Variants in BMP7 observed in about 807,000 individuals in gnomAD.
The protein encoded by BMP7 is osteogenic protein 1.
Under a neutral mutation model 41.2 loss-of-function variants are expected in BMP7, and 12 were observed. The observed-to-expected ratio is 0.29, with a 90% CI of 0.19 to 0.47. The LOEUF is 0.47. BMP7 is among the 20% of genes least tolerant of loss of function. The probability of loss-of-function intolerance (pLI) is 0.99; values close to 1 mark genes in which losing one functional copy is unlikely to be tolerated. For synonymous variants in BMP7, 248 were observed against 250.0 expected (o/e 0.99, Z 0.07); for missense variants, 467 against 606.0 (o/e 0.77, Z 2.41).
rs897298987 is a variant in BMP7 at position 57,266,230 on chromosome 20, G to A, written c.-108C>T. 1.3e-5 allele frequency: 15 copies of A among 1,159,428 alleles called. No homozygotes were observed. The highest frequency in any genetic ancestry group is 2.3e-5 in the South Asian group (1 of 43,068). 71.8% of individuals were successfully genotyped at this position (1,159,428 alleles called of 1,614,324 possible). A position where few individuals can be genotyped will look rare whatever the true frequency, so the allele number is the denominator to read the frequency against. On this transcript the variant is annotated 5_prime_UTR_variant, in exon 1 of 7. Transcript: ENST00000395863. Reference sequence around the variant, plus strand: ...CGCCGCTCGGTCACTTGCTGCAGACGGGCCCCGCTGCGCCCGCGCCAGACA... The same window carrying A: ...CGCCGCTCGGTCACTTGCTGCAGACAGGCCCCGCTGCGCCCGCGCCAGACA...
chr20:57,250,745 G>A (rs559363512), intron 1 of BMP7, among the ~76,000 whole-genome samples: 39 of 152,112 alleles, frequency 2.6e-4, no homozygotes, highest in Non-Finnish European at 4.6e-4. Flanking sequence ...GGTTGCCTGT[G>A]CCCCCAGCCG....
intron 4 of BMP7, among the ~76,000 whole-genome samples, chr20:57,183,226 C>T (rs1348805643): frequency 1.3e-5 from 2 of 149,322 alleles, no homozygotes; most frequent in Non-Finnish European, 3.0e-5. Context: ...CAGAGTGAGA[C>T]TTCATCTCAA....
chr20:57,206,700 C>G (rs1177059517), intron 2 of BMP7, among the ~76,000 whole-genome samples: 1 of 152,202 alleles, frequency 6.6e-6, no homozygotes, highest in East Asian at 1.9e-4. Context: ...ATGCCATCTT[C>G]TTCAATGATT....
At chr20:57,184,021 C>A (rs1984153276) in intron 3 of BMP7, 102 bp from the exon 4 acceptor site, 2 of 1,277,256 alleles carry the variant, frequency 1.6e-6, no homozygotes, top group Non-Finnish European at 2.2e-6. Flanking sequence ...TTCATGAACT[C>A]CTTATTCCTC....
intron 2 of BMP7, 145 bp from the exon 3 acceptor site, chr20:57,202,768 A>C: frequency 9.9e-7 from 1 of 1,011,106 alleles, no homozygotes; most frequent in Non-Finnish European, 1.4e-6. Context: ...TCAGACCAAG[A>C]TCCAGGCACA....
At chr20:57,247,794 G>A (rs767059608) in intron 1 of BMP7, among the ~76,000 whole-genome samples, 11 of 152,088 alleles carry the variant, frequency 7.2e-5, no homozygotes, top group African/African-American at 1.2e-4. Context: ...AACAGGAGCC[G>A]CCTGTCCCAC....
In BMP7 at chr20:57,171,218, G is replaced by T; in HGVS notation, c.1147-110C>A. 1 of 1,482,696 alleles carries T rather than the reference G, an allele frequency of 6.7e-7. No homozygotes were observed. Among genetic ancestry groups the T allele is most frequent in the Non-Finnish European group, 9.3e-7 (1 of 1,074,866 alleles). The allele number at this position is 1,482,696 out of a possible 1,614,324, so 91.8% of individuals were successfully genotyped here. A position where few individuals can be genotyped will look rare whatever the true frequency, so the allele number is the denominator to read the frequency against. On this transcript the variant is annotated intron_variant, in intron 6 of 6. Coordinates refer to ENST00000395863, the MANE Select transcript of BMP7 (RefSeq NM_001719.3). The surrounding 1 kb of genome is among the most constrained non-coding windows in gnomAD (Gnocchi z 4.5). ...TGTCTGGGCATAATGAATGACTGCA[G>T]GTGACACTCCCCAAGCCAAGCACTC...
chr20:57,225,997 GC>G (rs2066004568), intron 2 of BMP7: 2 of 468,144 alleles, frequency 4.3e-6, no homozygotes, highest in Non-Finnish European at 8.9e-6. Flanking sequence ...CAGCCCAGAA[GC>G]CCCCAGGAGC....
intron 1 of BMP7, among the ~76,000 whole-genome samples, chr20:57,247,327 G>A (rs996677189): frequency 6.6e-5 from 10 of 152,218 alleles, no homozygotes; most frequent in African/African-American, 2.4e-4. Flanking sequence ...TTGTCTGCAT[G>A]TTGACTTAAT....
intron 2 of BMP7, among the ~76,000 whole-genome samples, chr20:57,226,954 G>C (rs888984639): frequency 6.6e-6 from 1 of 151,084 alleles, no homozygotes; most frequent in Non-Finnish European, 1.5e-5. Flanking sequence ...AGCCTCCCAA[G>C]TAGCTGGGAT....
In BMP7 at chr20:57,266,006, C is replaced by T. The variant is rs897430051; in HGVS notation, c.117G>A (p.Ser39=). The stretch of plus-strand genomic sequence containing the variant: ...TGCGGAGGCGCCGGTGGATGAAGCT[C>T]GAGTGCACCTCGTTGTCCAGGCTGA... ...ADFSLDNEVH[S]SFIHRRLRSQ... is the part of the protein sequence containing the mutation. The change falls in exon 1 of 7, where the codon TCG becomes TCA. Residue 39 remains serine (S), a synonymous_variant. Transcript: ENST00000395863. 3 of 1,549,456 alleles carry T rather than the reference C, an allele frequency of 1.9e-6. No homozygotes were observed. The highest frequency in any genetic ancestry group is 1.7e-6 in the Non-Finnish European group (2 of 1,146,962).
In BMP7 at chr20:57,174,993, C is replaced by T. The variant is rs200825690; in HGVS notation, c.973G>A (p.Asp325Asn). The T allele has an allele frequency of 4.5e-5, 72 of 1,611,424 alleles. No homozygotes were observed. The highest frequency in any genetic ancestry group is 5.7e-5 in the Non-Finnish European group (67 of 1,179,886). Residue 325 changes from aspartate to asparagine, a missense_variant, in exon 5 of 7, where the codon GAC becomes AAC. Asp to Asn is a conservative substitution (Grantham distance 23). This residue lies in a region of BMP7 where 407 missense variants were observed against 485.9 expected (regional missense o/e 0.84). Transcript: ENST00000395863. The surrounding 1 kb of genome is among the most constrained non-coding windows in gnomAD (Gnocchi z 4.3). ...TGCTTCTTACAGGCCTGCCTCTGGT[C>T]GCTGCTGCTGTTCTCTGCATTGACA... ...MANVAENSSSDQRQACKKHEL... is the reference protein window; with the variant it reads ...MANVAENSSSNQRQACKKHEL...
intron 3 of BMP7, among the ~76,000 whole-genome samples, chr20:57,185,119 C>A (rs1209711966): frequency 6.6e-6 from 1 of 152,150 alleles, no homozygotes; most frequent in Non-Finnish European, 1.5e-5. Context: ...GTGGAGGCAA[C>A]AGAATGGTCC....
chr20:57,254,463 G>A (rs561539433), intron 1 of BMP7, among the ~76,000 whole-genome samples: 12 of 152,206 alleles, frequency 7.9e-5, no homozygotes, highest in African/African-American at 2.6e-4. Context: ...TCCTGCCCAT[G>A]TGTCCATGGT....
At chr20:57,202,765 A>C (rs1984653340) in intron 2 of BMP7, 142 bp from the exon 3 acceptor site, 2 of 1,044,870 alleles carry the variant, frequency 1.9e-6, no homozygotes, top group Non-Finnish European at 1.4e-6. Flanking sequence ...ACATCAGACC[A>C]AGATCCAGGC....
At chr20:57,246,763 C>T (rs374475003) in intron 1 of BMP7, among the ~76,000 whole-genome samples, 61 of 152,218 alleles carry the variant, frequency 4.0e-4, no homozygotes, top group African/African-American at 1.3e-3. Context: ...CCGAGGTGGG[C>T]GGATCACCTG....
At chr20:57,191,037 C>T (rs775736235) in intron 3 of BMP7, among the ~76,000 whole-genome samples, 2 of 152,160 alleles carry the variant, frequency 1.3e-5, no homozygotes, top group African/African-American at 2.4e-5. Context: ...GGGAGGAAAA[C>T]CATCCCTGGT....
chr20:57,173,259 AC>A lies in BMP7; in HGVS notation c.1086del (p.Glu362AspfsTer6). Reference protein sequence around the residue: ...EGYAAYYCEGECAFPLNSYMN... With the variant: ...EGYAAYYCEGXCAFPLNSYMN... ...ATGTAGGAGTTCAGAGGGAAGGCAC[AC>A]TCCCCCTCACAGTAGTAGGCGGCGT... On this transcript the variant is annotated frameshift_variant, in exon 6 of 7. Transcript: ENST00000395863. LOFTEE classifies it high-confidence loss of function. The A allele has an allele frequency of 6.2e-7, 1 of 1,613,854 alleles. No homozygotes were observed. Among genetic ancestry groups the A allele is most frequent in the East Asian group, 2.2e-5 (1 of 44,854 alleles).
chr20:57,243,681 C>G (rs975870192), intron 1 of BMP7, among the ~76,000 whole-genome samples: 1 of 152,080 alleles, frequency 6.6e-6, no homozygotes, highest in Non-Finnish European at 1.5e-5. Context: ...AATTGTTAGA[C>G]GTGCCAAGTT....
Sources: gnomAD v4.1 joint callset for allele counts (sites outside exome capture counted in the v4.1 genomes callset) on GRCh38, gnomAD v4.1.1 for gene constraint, gnomAD v4.1.1 regional missense constraint, Gnocchi (gnomAD v3.1) non-coding constraint, MANE v1.5 for transcripts, NCBI Gene and HGNC (gene_info 2026-07-23, HGNC 2026-07-21) for gene names.